Variants in PAN3 observed in about 807,000 individuals in gnomAD.
The protein encoded by PAN3 is PAN2-PAN3 deadenylation complex subunit PAN3.
Under a neutral mutation model 96.2 loss-of-function variants are expected in PAN3, and 19 were observed. The observed-to-expected ratio is 0.20, with a 90% CI of 0.14 to 0.29. PAN3 has a LOEUF of 0.29. Among genes scored for constraint, PAN3 ranks in the 10% least tolerant of loss-of-function variants. PAN3 has a pLI of 1.00. For missense variants in PAN3, 882 were observed against 1,108.1 expected (o/e 0.80, Z 2.90); for synonymous variants, 433 against 406.6 (o/e 1.06, Z -0.78).
chr13:28,213,702 CAAAAAA>C (rs779035643), intron 5 of PAN3, among the ~76,000 whole-genome samples: 1 of 78,338 alleles, frequency 1.3e-5, no homozygotes. Context: ...GAAAAAACAG[CAAAAAA>C]AAAAAAAAAA....
chr13:28,202,679 A>T (rs78300016), intron 5 of PAN3, among the ~76,000 whole-genome samples: 82 of 151,746 alleles, frequency 5.4e-4, no homozygotes, highest in African/African-American at 1.9e-3. Context: ...ACACACACAC[A>T]ATTTGTTTAA....
At chr13:28,227,461 C>T (rs531542468) in intron 6 of PAN3, among the ~76,000 whole-genome samples, 34 of 152,256 alleles carry the variant, frequency 2.2e-4, no homozygotes, top group African/African-American at 7.2e-4. Flanking sequence ...TCTACAGCTG[C>T]AGCAAAGTCT....
intron 6 of PAN3, among the ~76,000 whole-genome samples, chr13:28,255,267 C>T (rs1885044723): frequency 6.6e-6 from 1 of 152,200 alleles, no homozygotes; most frequent in Admixed American, 6.5e-5. Flanking sequence ...AACTGTTGCT[C>T]TAAATACCCT....
chr13:28,221,100 A>G (rs1252085334), intron 6 of PAN3, among the ~76,000 whole-genome samples: 1 of 152,176 alleles, frequency 6.6e-6, no homozygotes, highest in Non-Finnish European at 1.5e-5. Context: ...GAATTCATGC[A>G]GATTTTGCAT....
intron 17 of PAN3, among the ~76,000 whole-genome samples, chr13:28,282,806 C>T (rs1319321560): frequency 6.6e-6 from 1 of 152,114 alleles, no homozygotes; most frequent in East Asian, 1.9e-4. Flanking sequence ...TGGAACTTCC[C>T]TTCAGTATTA....
chr13:28,170,946 G>A (rs1049886472), intron 1 of PAN3, among the ~76,000 whole-genome samples: 2 of 152,050 alleles, frequency 1.3e-5, no homozygotes, highest in African/African-American at 4.8e-5. Flanking sequence ...ACAGGCATGC[G>A]CCACCATGCC....
intron 7 of PAN3, among the ~76,000 whole-genome samples, chr13:28,259,434 T>C (rs1885498634): frequency 6.6e-6 from 1 of 151,770 alleles, no homozygotes; most frequent in Non-Finnish European, 1.5e-5. Flanking sequence ...ACCTCCCGAG[T>C]AACTGGGAGT....
At chr13:28,152,846 C>T (rs1004711180) in intron 1 of PAN3, among the ~76,000 whole-genome samples, 3 of 152,022 alleles carry the variant, frequency 2.0e-5, no homozygotes, top group Non-Finnish European at 4.4e-5. Flanking sequence ...CAGGCATTCA[C>T]TTATTTATGT....
At chr13:28,220,555 A>C (rs991437062) in intron 6 of PAN3, among the ~76,000 whole-genome samples, 177 bp downstream of exon 6, 3 of 152,222 alleles carry the variant, frequency 2.0e-5, no homozygotes, top group Non-Finnish European at 4.4e-5. Context: ...TTTTAAAGCA[A>C]AATTTAAATA....
intron 6 of PAN3, among the ~76,000 whole-genome samples, chr13:28,255,553 G>A (rs1341971712): frequency 1.3e-5 from 2 of 151,928 alleles, no homozygotes; most frequent in African/African-American, 4.8e-5. Context: ...TTTCTTACTG[G>A]TTGTGGTTGT....
At chr13:28,166,982 A>T (rs919434497) in intron 1 of PAN3, among the ~76,000 whole-genome samples, 33 of 152,166 alleles carry the variant, frequency 2.2e-4, no homozygotes, top group African/African-American at 7.7e-4. Context: ...AAGCAATCTG[A>T]AATGTCTTTG....
chr13:28,266,746 C>A lies in PAN3; in HGVS notation c.1443C>A (p.Ser481Arg). ...AVPTEVDSYH[S>R]LFPLEPLPPP... ...CTACAGAGGTTGACAGCTACCATAG[C>A]CTATTCCCTCTAGAACCACTGCCAC... Residue 481 changes from serine (S) to arginine (R), a missense_variant, in exon 10 of 19, where the codon AGC becomes AGA. Ser to Arg is a moderately radical substitution (Grantham distance 110, BLOSUM62 -1). Coordinates refer to ENST00000380958, the MANE Select transcript of PAN3 (RefSeq NM_175854.8). 6.2e-7 allele frequency: 1 copy of A among 1,605,742 alleles called. No homozygotes were observed. Among genetic ancestry groups the A allele is most frequent in the Non-Finnish European group, 8.5e-7 (1 of 1,176,148 alleles).
At chr13:28,227,296 C>T (rs987679238) in intron 6 of PAN3, among the ~76,000 whole-genome samples, 18 of 152,148 alleles carry the variant, frequency 1.2e-4, no homozygotes, top group African/African-American at 4.1e-4. Context: ...GTTGTGGAAT[C>T]CCTGGTTAAT....
At chr13:28,228,116 A>C (rs1472625141) in intron 6 of PAN3, among the ~76,000 whole-genome samples, 1 of 152,072 alleles carries the variant, frequency 6.6e-6, no homozygotes, top group Non-Finnish European at 1.5e-5. Context: ...CAATGTGCCT[A>C]CTCAGTGGAG....
chr13:28,217,375 A>C (rs1039192079), intron 5 of PAN3, among the ~76,000 whole-genome samples: 3 of 152,144 alleles, frequency 2.0e-5, no homozygotes, highest in Non-Finnish European at 4.4e-5. Context: ...TGAGGCCAGG[A>C]GTTTGAGACC....
chr13:28,160,090 C>T (rs1271824491), intron 1 of PAN3, among the ~76,000 whole-genome samples: 4 of 151,860 alleles, frequency 2.6e-5, no homozygotes, highest in African/African-American at 7.3e-5. Context: ...TACAGGTGTA[C>T]GCCACCACGC....
chr13:28,233,203 AGAG>A (rs1476188431), intron 6 of PAN3, among the ~76,000 whole-genome samples: 1 of 151,950 alleles, frequency 6.6e-6, no homozygotes, highest in Non-Finnish European at 1.5e-5. Context: ...AACCTCATAT[AGAG>A]GAGAAGGGAT....
At chr13:28,202,496 C>G (rs915550390) in intron 5 of PAN3, among the ~76,000 whole-genome samples, 2 of 152,110 alleles carry the variant, frequency 1.3e-5, no homozygotes, top group African/African-American at 4.8e-5. Context: ...CATATGAGGT[C>G]TTTTATGTTA....
At chr13:28,181,504 C>G (rs550866652) in intron 4 of PAN3, among the ~76,000 whole-genome samples, 1 of 57,268 alleles carries the variant, frequency 1.7e-5, no homozygotes, top group East Asian at 6.1e-4. Context: ...AACCCTGTCT[C>G]AAAAAAAAAA....
Sources: gnomAD v4.1 joint callset for allele counts (sites outside exome capture counted in the v4.1 genomes callset) on GRCh38, gnomAD v4.1.1 for gene constraint, MANE v1.5 for transcripts, NCBI Gene and HGNC (gene_info 2026-07-23, HGNC 2026-07-21) for gene names.